PRORP: variants seen among roughly 807,000 people sequenced by gnomAD.
PRORP encodes the protein mitochondrial ribonuclease P catalytic subunit.
PRORP carries 51 observed loss-of-function variants against 59.4 expected under a neutral mutation model. That is an observed-to-expected ratio of 0.86 (90% CI 0.69 to 1.08). PRORP has a LOEUF of 1.08. Among genes scored for constraint, PRORP ranks in the 50% least tolerant of loss-of-function variants. The probability of loss-of-function intolerance (pLI) is 0.00; values close to 1 mark genes in which losing one functional copy is unlikely to be tolerated. For synonymous variants in PRORP, 231 were observed against 245.6 expected, an observed-to-expected ratio of 0.94 and a Z score of 0.55; for missense variants, 646 against 690.3, an observed-to-expected ratio of 0.94 and a Z score of 0.72.
intron 4 of PRORP, among the ~76,000 whole-genome samples, chr14:35,166,079 G>C (rs1489468560): frequency 1.3e-5 from 2 of 152,078 alleles, no homozygotes; most frequent in African/African-American, 2.4e-5. Context: ...ACACCCTTCT[G>C]AGGCTTAAAA....
chr14:35,185,965 A>C (rs531249190), intron 5 of PRORP, among the ~76,000 whole-genome samples: 3 of 152,252 alleles, frequency 2.0e-5, no homozygotes, highest in African/African-American at 7.2e-5. Context: ...TTTTTGCTTA[A>C]AAGTTATTTA....
Position 35,273,606 on chromosome 14 carries a change from T to C in PRORP, c.*40T>C. ...ATGCTAAGTTTGTGTTTGGGTACCC[T>C]CTAGGTTGGCATCAGAGGCTCTTGA... On this transcript the variant is annotated 3_prime_UTR_variant, in exon 8 of 8. Coordinates refer to ENST00000534898, the MANE Select transcript of PRORP (RefSeq NM_014672.4). 5 of 1,590,070 alleles carry C rather than the reference T, an allele frequency of 3.1e-6. No homozygotes were observed. The highest frequency in any genetic ancestry group is 4.3e-6 in the Non-Finnish European group (5 of 1,168,864).
At chr14:35,162,612 T>C (rs1196323360) in intron 4 of PRORP, among the ~76,000 whole-genome samples, 2 of 41,872 alleles carry the variant, frequency 4.8e-5, no homozygotes, top group Non-Finnish European at 1.1e-4. Flanking sequence ...TTTTTGAGGC[T>C]TATTTTTTTT....
intron 5 of PRORP, among the ~76,000 whole-genome samples, chr14:35,215,428 CACTT>C (rs2049562062): frequency 6.6e-6 from 1 of 151,984 alleles, no homozygotes; most frequent in Non-Finnish European, 1.5e-5. Flanking sequence ...ATGTTACTGA[CACTT>C]AAGTAAGTTT....
intron 5 of PRORP, among the ~76,000 whole-genome samples, chr14:35,239,553 T>G (rs1341062158): frequency 6.6e-6 from 1 of 152,088 alleles, no homozygotes; most frequent in Non-Finnish European, 1.5e-5. Flanking sequence ...AACAGACTAC[T>G]GTATAGTGTT....
Position 35,139,398 on chromosome 14 carries a change from A to G in PRORP, c.1167+11787A>G, listed in dbSNP as rs2047435845. On this transcript the variant is annotated intron_variant, in intron 4 of 7. Coordinates refer to ENST00000534898, the MANE Select transcript of PRORP (RefSeq NM_014672.4). ...TCACTGCAATCAAGATAATGAACAT[A>G]TGGATCACCCCCAAAAGTTTCCTCA... Among the ~76,000 whole-genome samples the G allele has an allele frequency of 1.4e-5, 2 of 140,044 alleles. 1 individual carries two copies. Among genetic ancestry groups the G allele is most frequent in the Admixed American group, 1.5e-4 (2 of 13,622 alleles). 91.9% of individuals were successfully genotyped at this position (140,044 alleles called of 152,430 possible). A position where few individuals can be genotyped will look rare whatever the true frequency, so the allele number is the denominator to read the frequency against.
chr14:35,172,523 C>CCTCTCTCT (rs1319182130), intron 4 of PRORP, among the ~76,000 whole-genome samples: 1 of 126,668 alleles, frequency 7.9e-6, no homozygotes, highest in Non-Finnish European at 1.7e-5. Flanking sequence ...TCCCTCTCTC[C>CCTCTCTCT]CTCTCTCTCC....
At chr14:35,125,372 T>C (rs2047072933) in intron 2 of PRORP, among the ~76,000 whole-genome samples, 1 of 152,218 alleles carries the variant, frequency 6.6e-6, no homozygotes, top group African/African-American at 2.4e-5. Context: ...ACCTGTTTAT[T>C]GCTTTAGTCT....
intron 5 of PRORP, among the ~76,000 whole-genome samples, chr14:35,205,073 C>T (rs144790407): frequency 0.01 from 1,550 of 152,262 alleles, 28 homozygotes; most frequent in African/African-American, 0.035. Flanking sequence ...GATGCAAACC[C>T]GGATTTTCTA....
At chr14:35,147,435 C>T (rs1403621430) in intron 4 of PRORP, among the ~76,000 whole-genome samples, 4 of 152,200 alleles carry the variant, frequency 2.6e-5, no homozygotes, top group Non-Finnish European at 5.9e-5. Flanking sequence ...CTCCACTTCT[C>T]AGGCTCACAT....
At chr14:35,189,230 A>G (rs148486753) in intron 5 of PRORP, among the ~76,000 whole-genome samples, 68 of 152,110 alleles carry the variant, frequency 4.5e-4, no homozygotes, top group African/African-American at 1.5e-3. Context: ...TATTTTGCTT[A>G]AAGTATTTTT....
At position 35,123,676 on chromosome 14, in the gene PRORP, T is replaced by A; in HGVS notation, c.431T>A (p.Ile144Asn). ...NTGKTSFESWIISQMAGCHSS... is the reference protein window; with the variant it reads ...NTGKTSFESWNISQMAGCHSS... ...GGAAAGACCAGTTTCGAAAGTTGGA[T>A]CATTTCACAGATGGCTGGCTGTCAT... The change falls in exon 2 of 8, where the codon ATC becomes AAC. Residue 144 changes from isoleucine (I) to asparagine (N), a missense_variant. By Grantham distance (149) the Ile-to-Asn change is moderately radical (BLOSUM62 -3). Coordinates refer to ENST00000534898, the MANE Select transcript of PRORP (RefSeq NM_014672.4). 6.2e-7 allele frequency: 1 copy of A among 1,614,206 alleles called. No individual in the cohort carries two copies. Among genetic ancestry groups the A allele is most frequent in the Non-Finnish European group, 8.5e-7 (1 of 1,180,048 alleles).
intron 5 of PRORP, among the ~76,000 whole-genome samples, chr14:35,184,958 A>G (rs545689019): frequency 3.7e-4 from 57 of 152,152 alleles, no homozygotes; most frequent in Middle Eastern, 3.4e-3. Flanking sequence ...TGTCTTTGCT[A>G]TTGTTAATAG....
In PRORP at chr14:35,274,523, A is replaced by T. The variant is rs2051271492; in HGVS notation, c.*957A>T. On this transcript the variant is annotated 3_prime_UTR_variant, in exon 8 of 8. Coordinates refer to ENST00000534898, the MANE Select transcript of PRORP (RefSeq NM_014672.4). Reference sequence around the variant, plus strand: ...ATTAGCCAGGCATGGTAGTTTGCACACATAGTCCCAGCTACTTTGGGGGCT... The same window carrying T: ...ATTAGCCAGGCATGGTAGTTTGCACTCATAGTCCCAGCTACTTTGGGGGCT... 1 of 152,106 alleles carries T rather than the reference A, an allele frequency of 6.6e-6. No individual in the cohort carries two copies. Among genetic ancestry groups the T allele is most frequent in the African/African-American group, 2.4e-5 (1 of 41,396 alleles). 9.4% of individuals were successfully genotyped at this position (152,106 alleles called of 1,614,324 possible).
chr14:35,126,845 A>G, intron 3 of PRORP, 63 bp downstream of exon 3: 1 of 1,203,566 alleles, frequency 8.3e-7, no homozygotes, highest in East Asian at 2.5e-5. Context: ...GTTGCTATTA[A>G]TTGAAAAATA....
At chr14:35,175,069 A>C (rs1474532278) in intron 4 of PRORP, among the ~76,000 whole-genome samples, 1 of 152,032 alleles carries the variant, frequency 6.6e-6, no homozygotes, top group African/African-American at 2.4e-5. Context: ...AAAGGACATG[A>C]ACTCATCCTT....
chr14:35,158,420 A>C (rs922850151), intron 4 of PRORP: 1 of 309,994 alleles, frequency 3.2e-6, no homozygotes, highest in African/African-American at 2.2e-5. Flanking sequence ...AAGTTCAATG[A>C]TATAGTATTA....
In PRORP at chr14:35,123,421, C is replaced by T. The variant is rs199994168; in HGVS notation, c.176C>T (p.Thr59Met). 1.7e-5 allele frequency: 27 copies of T among 1,614,156 alleles called. No individual in the cohort carries two copies. The highest frequency in any genetic ancestry group is 2.1e-5 in the Non-Finnish European group (25 of 1,180,026). The change falls in exon 2 of 8, where the codon ACG becomes ATG. Residue 59 changes from threonine (T) to methionine (M), a missense_variant. By Grantham distance (81) the Thr-to-Met change is moderately conservative (BLOSUM62 -1). Transcript: ENST00000534898. ...ATGTCTCCACAGAATACCAAAGCAA[C>T]GAATCTGATTGCCAAGGCCAGATAT... ...KTMSPQNTKATNLIAKARYLR... is the reference protein window; with the variant it reads ...KTMSPQNTKAMNLIAKARYLR...
chr14:35,193,025 A>G (rs548564139), intron 5 of PRORP, among the ~76,000 whole-genome samples: 50 of 151,506 alleles, frequency 3.3e-4, no homozygotes, highest in African/African-American at 1.2e-3. Flanking sequence ...AAAGCTTCTA[A>G]TGCTGCATTT....
Sources: allele counts gnomAD v4.1 joint callset (sites outside exome capture counted in the v4.1 genomes callset), GRCh38; gene constraint gnomAD v4.1.1; transcripts MANE v1.5; gene names NCBI Gene and HGNC (gene_info 2026-07-23, HGNC 2026-07-21).